The following TOP3A variants were observed in gnomAD, a reference collection of about 807,000 sequenced individuals.
TOP3A encodes the protein DNA topoisomerase III alpha, also known as DNA topoisomerase 3-alpha.
Under a neutral mutation model 111.3 loss-of-function variants are expected in TOP3A, and 64 were observed. The observed-to-expected ratio is 0.57, with a 90% CI of 0.47 to 0.71. TOP3A has a LOEUF of 0.71. TOP3A is among the 30% of genes least tolerant of loss of function. The pLI, the probability that TOP3A is intolerant of heterozygous loss-of-function variation, is 0.00. For synonymous variants in TOP3A, 484 were observed against 485.1 expected, an observed-to-expected ratio of 1.00 and a Z score of 0.03; for missense variants, 1,104 against 1,285.0, an observed-to-expected ratio of 0.86 and a Z score of 2.15.
intron 15 of TOP3A, 141 bp from the exon 16 acceptor site, chr17:18,282,982 G>T: frequency 9.2e-7 from 1 of 1,090,032 alleles, no homozygotes; most frequent in Non-Finnish European, 1.3e-6. Flanking sequence ...AGAACAGACG[G>T]CAGACAGAAG....
At chr17:18,314,551 G>C in intron 1 of TOP3A, 48 bp downstream of exon 1, 3 of 1,557,970 alleles carry the variant, frequency 1.9e-6, no homozygotes, top group South Asian at 1.2e-5. Flanking sequence ...TGTCCCGCTC[G>C]GTGGGCCTCC....
Position 18,285,381 on chromosome 17 carries a change from C to T in TOP3A, c.1711+26G>A, listed in dbSNP as rs767545715. On this transcript the variant is annotated intron_variant, in intron 14 of 18. Transcript: ENST00000321105. ...GGACTTGGGCGACACCACCCACTAC[C>T]CACTGCAAGCTCTGTCCTCCCTTAC... 8.1e-6 allele frequency: 13 copies of T among 1,613,474 alleles called. No homozygotes were observed. In the Admixed American group the frequency reaches 2.0e-4, roughly 25 times the overall value.
At chr17:18,286,246 G>A (rs1980092230) in intron 13 of TOP3A, among the ~76,000 whole-genome samples, 1 of 150,894 alleles carries the variant, frequency 6.6e-6, no homozygotes, top group African/African-American at 2.4e-5. Flanking sequence ...GCTCACGCCT[G>A]TAATCCCAGC....
intron 9 of TOP3A, 41 bp from the exon 10 acceptor site, chr17:18,294,826 G>A: frequency 2.9e-6 from 4 of 1,357,004 alleles, no homozygotes; most frequent in Non-Finnish European, 3.2e-6. Context: ...GTACTGCATG[G>A]GTCAGGCAGC....
chr17:18,312,147 G>C (rs1328509386), intron 1 of TOP3A: 1 of 152,342 alleles, frequency 6.6e-6, no homozygotes, highest in Non-Finnish European at 1.5e-5. Flanking sequence ...AGTTCACCCA[G>C]GCCTCAGACT....
intron 1 of TOP3A, 145 bp downstream of exon 1, chr17:18,314,454 G>A (rs1021474309): frequency 4.9e-6 from 4 of 813,666 alleles, no homozygotes; most frequent in Non-Finnish European, 3.6e-6. Context: ...CAGACAGGAG[G>A]CCACTGCAAT....
At chr17:18,307,010 G>C (rs1981620214) in intron 3 of TOP3A, 44 bp from the exon 4 acceptor site, 2 of 1,415,968 alleles carry the variant, frequency 1.4e-6, no homozygotes, top group Non-Finnish European at 2.0e-6. Flanking sequence ...GTACATGACA[G>C]AGAGCCCTCC....
At position 18,280,549 on chromosome 17, in the gene TOP3A, G is replaced by A. The variant is rs758840850; in HGVS notation, c.2131C>T (p.His711Tyr). 6 of 1,613,570 alleles carry A rather than the reference G, an allele frequency of 3.7e-6. No homozygotes were observed. Among genetic ancestry groups the A allele is most frequent in the Admixed American group, 1.7e-5 (1 of 59,978 alleles). ...TGCCCAGCTCACCTGTACACAGGGTGTGGCTGACAAACTGGACACACACTG... is the reference window on the plus strand; with the variant it reads ...TGCCCAGCTCACCTGTACACAGGGTATGGCTGACAAACTGGACACACACTG... ...DSSVCPVCQP[H>Y]PVYRLKLKFK... The change falls in exon 17 of 19, where the codon CAC becomes TAC. Residue 711 changes from histidine (H) to tyrosine (Y), a missense_variant. Physicochemically the swap from His to Tyr is moderately conservative, Grantham distance 83. Coordinates refer to ENST00000321105, the MANE Select transcript of TOP3A (RefSeq NM_004618.5).
At chr17:18,285,625 G>C (rs1980048727) in intron 13 of TOP3A, 105 bp from the exon 14 acceptor site, 2 of 862,784 alleles carry the variant, frequency 2.3e-6, no homozygotes, top group Non-Finnish European at 3.7e-6. Flanking sequence ...TGCCTGGACA[G>C]CCTATGCAGG....
intron 15 of TOP3A, among the ~76,000 whole-genome samples, 174 bp from the exon 16 acceptor site, chr17:18,283,015 G>C (rs1567736605): frequency 6.6e-6 from 1 of 152,214 alleles, no homozygotes; most frequent in Admixed American, 6.5e-5. Context: ...ATGGGCCCTG[G>C]TGCCGAACCA....
intron 9 of TOP3A, among the ~76,000 whole-genome samples, chr17:18,297,934 T>C (rs1262522006): frequency 1.4e-5 from 2 of 147,398 alleles, no homozygotes. Context: ...GTCTGGAAAG[T>C]GAGGAGCGTC....
chr17:18,292,096 A>C (rs1476383047), intron 11 of TOP3A, among the ~76,000 whole-genome samples: 2 of 152,244 alleles, frequency 1.3e-5, no homozygotes, highest in African/African-American at 4.8e-5. Flanking sequence ...CTTTGTGAGA[A>C]GCCTACAGAT....
Position 18,271,778 on chromosome 17 carries a change from G to A in TOP3A, c.*3024C>T. ...ACAACACAATTTAAAAATGGGGGAA[G>A]AGACCAGGTGTGATGGCTCCTGCCT... On this transcript the variant is annotated 3_prime_UTR_variant, in exon 19 of 19. Transcript: ENST00000321105. The A allele has an allele frequency of 2.2e-6, 1 of 452,550 alleles. No homozygotes were observed. The highest frequency in any genetic ancestry group is 4.5e-6 in the Non-Finnish European group (1 of 221,404). The allele number at this position is 452,550 out of a possible 1,614,324, so 28.0% of individuals were successfully genotyped here.
In TOP3A at chr17:18,274,713, A is replaced by G. The variant is rs189340852; in HGVS notation, c.*89T>C. 3.0e-5 allele frequency: 46 copies of G among 1,529,294 alleles called. No individual in the cohort carries two copies. The Admixed American group carries it at 5.9e-4, about 20-fold the overall frequency. The allele number at this position is 1,529,294 out of a possible 1,614,324, so 94.7% of individuals were successfully genotyped here. A position where few individuals can be genotyped will look rare whatever the true frequency, so the allele number is the denominator to read the frequency against. On this transcript the variant is annotated 3_prime_UTR_variant, in exon 19 of 19. Transcript: ENST00000321105. Reference sequence around the variant, plus strand: ...ACACTGTCCTCTAAGTTTCCAGGACACTAAATGGCCACTTGGTCCTGGTTA... The same window carrying G: ...ACACTGTCCTCTAAGTTTCCAGGACGCTAAATGGCCACTTGGTCCTGGTTA...
chr17:18,291,042 G>A lies in TOP3A; in HGVS notation c.1282-15C>T. The A allele has an allele frequency of 6.2e-7, 1 of 1,613,112 alleles. No homozygotes were observed. The highest frequency in any genetic ancestry group is 8.5e-7 in the Non-Finnish European group (1 of 1,179,496). On this transcript the variant is annotated splice_polypyrimidine_tract_variant and intron_variant, in intron 11 of 18. Coordinates refer to ENST00000321105, the MANE Select transcript of TOP3A (RefSeq NM_004618.5). The stretch of plus-strand genomic sequence containing the variant: ...TGTTCATCTCCCTAGGAAGAAAAGA[G>A]GAGTACGAAACTCCCCCTAGAATAT...
rs149912401 is a variant in TOP3A, at chr17:18,280,649, G to A, written c.2031C>T (p.Leu677=). 6.2e-4 allele frequency: 1,001 copies of A among 1,613,978 alleles called. No homozygotes were observed. The highest frequency in any genetic ancestry group is 1.2e-3 in the Middle Eastern group (7 of 6,084). The change falls in exon 17 of 19, where the codon CTC becomes CTT. Residue 677 remains leucine (L), a synonymous_variant. Transcript: ENST00000321105. The part of the protein sequence containing the change: ...LKTKKNGGFY[L]SCMGFPECRS... ...GACACTCTGGGAAACCCATGCAGCT[G>A]AGGTAGAACCTGGGGACAAAGTGCC...
At chr17:18,286,794 A>G (rs1432017368) in intron 13 of TOP3A, among the ~76,000 whole-genome samples, 1 of 152,192 alleles carries the variant, frequency 6.6e-6, no homozygotes, top group East Asian at 1.9e-4. Context: ...AACCTTGTAC[A>G]AAACTGTTCA....
chr17:18,296,778 C>G (rs1473859297), intron 9 of TOP3A, among the ~76,000 whole-genome samples: 1 of 152,098 alleles, frequency 6.6e-6, no homozygotes, highest in Non-Finnish European at 1.5e-5. Flanking sequence ...GTAATTCTAT[C>G]CCAAATTTTC....
chr17:18,313,475 G>T, intron 1 of TOP3A: 1 of 165,090 alleles, frequency 6.1e-6, no homozygotes, highest in East Asian at 1.6e-4. Flanking sequence ...CACTTTGTGA[G>T]AACCAATGGA....
Sources: gnomAD v4.1 joint callset for allele counts (sites outside exome capture counted in the v4.1 genomes callset) on GRCh38, gnomAD v4.1.1 for gene constraint, MANE v1.5 for transcripts, NCBI Gene and HGNC (gene_info 2026-07-23, HGNC 2026-07-21) for gene names.